VTI1A: variants seen among roughly 807,000 people sequenced by gnomAD.
VTI1A encodes the protein vesicle transport through interaction with t-SNAREs 1A.
In VTI1A, 22 loss-of-function variants were observed where a neutral mutation model predicts 34.9. The observed-to-expected ratio is 0.63, with a 90% CI of 0.45 to 0.90. The LOEUF (loss-of-function observed/expected upper bound fraction) is 0.90, where lower values mean the gene tolerates loss of function less well. Among genes scored for constraint, VTI1A ranks in the 40% least tolerant of loss-of-function variants. The pLI, the probability that VTI1A is intolerant of heterozygous loss-of-function variation, is 0.00. For synonymous variants in VTI1A, 87 were observed against 97.3 expected (o/e 0.89, Z 0.62); for missense variants, 268 against 275.6 (o/e 0.97, Z 0.20).
intron 7 of VTI1A, among the ~76,000 whole-genome samples, chr10:112,723,650 T>C (rs1320224816): frequency 6.6e-6 from 1 of 152,206 alleles, no homozygotes; most frequent in Admixed American, 6.5e-5. Context: ...TACTGCTAAA[T>C]AGGAAGCAAG....
intron 3 of VTI1A, among the ~76,000 whole-genome samples, chr10:112,485,746 A>G (rs1480473222): frequency 6.6e-6 from 1 of 152,194 alleles, no homozygotes; most frequent in East Asian, 1.9e-4. Context: ...CTGTGTAGAG[A>G]AAAGATGTTA....
chr10:112,479,283 C>G (rs897553665), intron 3 of VTI1A, among the ~76,000 whole-genome samples: 22 of 152,102 alleles, frequency 1.4e-4, no homozygotes, highest in African/African-American at 5.1e-4. Flanking sequence ...TTTAGGCATG[C>G]TACTACTTTT....
At chr10:112,771,045 A>G (rs963554529) in intron 7 of VTI1A, among the ~76,000 whole-genome samples, 1 of 152,100 alleles carries the variant, frequency 6.6e-6, no homozygotes, top group Non-Finnish European at 1.5e-5. Flanking sequence ...ATTCCCCAGG[A>G]CCCAAGGAGA....
chr10:112,788,801 C>T (rs2134051430), intron 7 of VTI1A, among the ~76,000 whole-genome samples: 2 of 152,068 alleles, frequency 1.3e-5, no homozygotes, highest in East Asian at 1.9e-4. Flanking sequence ...CATTTTAATT[C>T]ACATATTGAT....
chr10:112,491,835 C>T (rs561275011), intron 3 of VTI1A, among the ~76,000 whole-genome samples: 56 of 152,138 alleles, frequency 3.7e-4, no homozygotes, highest in Non-Finnish European at 7.2e-4. Context: ...TGCAACTATG[C>T]CAAACCACTT....
chr10:112,803,713 C>G (rs895425624), intron 7 of VTI1A, among the ~76,000 whole-genome samples: 1 of 152,148 alleles, frequency 6.6e-6, no homozygotes, highest in Non-Finnish European at 1.5e-5. Flanking sequence ...CTGCAGTGAG[C>G]TGTGATCGTG....
chr10:112,492,875 A>G (rs1200401723), intron 3 of VTI1A, among the ~76,000 whole-genome samples: 1 of 152,032 alleles, frequency 6.6e-6, no homozygotes. Flanking sequence ...TAGGATATTT[A>G]TACAGTTGTT....
At chr10:112,453,233 C>T (rs1342286236) in intron 1 of VTI1A, among the ~76,000 whole-genome samples, 1 of 152,142 alleles carries the variant, frequency 6.6e-6, no homozygotes, top group African/African-American at 2.4e-5. Context: ...CACCACATAC[C>T]AAGAATACAT....
intron 7 of VTI1A, among the ~76,000 whole-genome samples, chr10:112,710,773 C>T (rs1849384476): frequency 6.6e-6 from 1 of 152,064 alleles, no homozygotes. Context: ...TCAGCTTTCT[C>T]AGTCAGTCTG....
intron 7 of VTI1A, among the ~76,000 whole-genome samples, chr10:112,722,290 C>T (rs1849838407): frequency 6.6e-6 from 1 of 151,612 alleles, no homozygotes; most frequent in Non-Finnish European, 1.5e-5. Flanking sequence ...TGTTCTCACT[C>T]ATAGGTGGGA....
chr10:112,597,719 A>C (rs1844716324), intron 5 of VTI1A, among the ~76,000 whole-genome samples: 1 of 39,474 alleles, frequency 2.5e-5, no homozygotes, highest in African/African-American at 8.6e-5. Flanking sequence ...TTTTTTTGAG[A>C]CGGAGTCTCG....
At chr10:112,574,069 ATTAC>A (rs755343913) in intron 5 of VTI1A, among the ~76,000 whole-genome samples, 1 of 152,168 alleles carries the variant, frequency 6.6e-6, no homozygotes. Flanking sequence ...TTTTTTCTAA[ATTAC>A]TTAAAGTACA....
At chr10:112,479,757 A>G (rs1848403534) in intron 3 of VTI1A, among the ~76,000 whole-genome samples, 1 of 152,106 alleles carries the variant, frequency 6.6e-6, no homozygotes, top group Non-Finnish European at 1.5e-5. Flanking sequence ...ATTATTCACT[A>G]CCTTTCAAAA....
chr10:112,848,502 C>T, the VTI1A span, among the ~76,000 whole-genome samples: 2 of 152,162 alleles, frequency 1.3e-5, no homozygotes, highest in Non-Finnish European at 2.9e-5. Flanking sequence ...GAGAGACTTC[C>T]AGCAAATGGG....
At chr10:112,499,518 T>C (rs534944209) in intron 3 of VTI1A, among the ~76,000 whole-genome samples, 1 of 152,342 alleles carries the variant, frequency 6.6e-6, no homozygotes, top group Non-Finnish European at 1.5e-5. Context: ...CAAAATTATA[T>C]CTCTAGCCTA....
chr10:112,818,914 T>C (rs1853598553), downstream of VTI1A, among the ~76,000 whole-genome samples: 1 of 152,154 alleles, frequency 6.6e-6, no homozygotes, highest in Non-Finnish European at 1.5e-5. Context: ...TGCCACTGAT[T>C]TGGTTTCATG....
chr10:112,739,723 G>T (rs748603742), intron 7 of VTI1A, among the ~76,000 whole-genome samples: 2 of 152,234 alleles, frequency 1.3e-5, no homozygotes, highest in Non-Finnish European at 2.9e-5. Context: ...TGGCTTGTTG[G>T]TTGACACATA....
At chr10:112,640,510 G>A (rs1407149817) in intron 5 of VTI1A, among the ~76,000 whole-genome samples, 1 of 151,954 alleles carries the variant, frequency 6.6e-6, no homozygotes, top group Non-Finnish European at 1.5e-5. Flanking sequence ...GCCTGGAGGT[G>A]GGTAAGGAGG....
At chr10:112,763,175 A>G (rs1186462049) in intron 7 of VTI1A, among the ~76,000 whole-genome samples, 1 of 152,006 alleles carries the variant, frequency 6.6e-6, no homozygotes, top group Non-Finnish European at 1.5e-5. Flanking sequence ...CTGTAATCCC[A>G]AAGGCCTGTA....
Sources: allele counts gnomAD v4.1 joint callset (sites outside exome capture counted in the v4.1 genomes callset), GRCh38; gene constraint gnomAD v4.1.1; transcripts MANE v1.5; gene names NCBI Gene and HGNC (gene_info 2026-07-23, HGNC 2026-07-21).